The following DEUP1 variants were observed in gnomAD, a reference collection of about 807,000 sequenced individuals.
DEUP1 encodes the protein coiled-coil domain containing 67.
Under a neutral mutation model 87.4 loss-of-function variants are expected in DEUP1, and 82 were observed. The observed-to-expected ratio is 0.94, with a 90% confidence interval of 0.78 to 1.13. DEUP1 has a LOEUF of 1.13. Ranked by LOEUF, DEUP1 falls within the 50% of genes most tolerant of loss-of-function variation. The pLI, the probability that DEUP1 is intolerant of heterozygous loss-of-function variation, is 0.00. For missense variants in DEUP1, 663 were observed against 681.5 expected, an observed-to-expected ratio of 0.97 and a Z score of 0.30; for synonymous variants, 214 against 222.7, an observed-to-expected ratio of 0.96 and a Z score of 0.35.
intron 2 of DEUP1, among the ~76,000 whole-genome samples, chr11:93,337,105 C>G (rs1382924725): frequency 6.6e-6 from 1 of 152,156 alleles, no homozygotes; most frequent in Non-Finnish European, 1.5e-5. Context: ...CCAGATTCTT[C>G]TTATCTGCTG....
chr11:93,433,604 C>T (rs1292785531), intron 13 of DEUP1, among the ~76,000 whole-genome samples: 1 of 152,178 alleles, frequency 6.6e-6, no homozygotes, highest in Non-Finnish European at 1.5e-5. Flanking sequence ...TTTTCTCTTT[C>T]TCAGTAAATG....
rs117575060 is a variant in DEUP1, at chr11:93,401,458, T to C, written c.1326+5133T>C. The stretch of plus-strand genomic sequence containing the variant: ...AAAAAAAACTATTCTAAAATTTATA[T>C]GCAAACACAGAAGACCCTGAATAGC... On this transcript the variant is annotated intron_variant, in intron 11 of 13. Transcript: ENST00000298050. Among the ~76,000 whole-genome samples, 528 of 152,118 alleles carry C rather than the reference T, an allele frequency of 3.5e-3. 18 individuals are homozygous for C. In the East Asian group the frequency reaches 0.082, roughly 24 times the overall value.
At chr11:93,364,024 A>G (rs1591142660) in intron 4 of DEUP1, 136 bp from the exon 5 acceptor site, 1 of 640,964 alleles carries the variant, frequency 1.6e-6, no homozygotes, top group Non-Finnish European at 2.7e-6. Context: ...GTCTTCACTA[A>G]TTGAAACATT....
At chr11:93,358,412 G>A (rs929729980) in intron 4 of DEUP1, among the ~76,000 whole-genome samples, 9 of 152,088 alleles carry the variant, frequency 5.9e-5, no homozygotes, top group South Asian at 2.1e-4. Flanking sequence ...GTGAGTTTAG[G>A]AAATGCTGTT....
chr11:93,394,639 A>G lies in DEUP1; in HGVS notation c.1222A>G (p.Met408Val). Residue 408 changes from methionine to valine, a missense_variant, in exon 10 of 14, where the codon ATG becomes GTG. Physicochemically the swap from Met to Val is conservative, Grantham distance 21. Transcript: ENST00000298050. ...LKMELEIKEK[M>V]LAKQKVSDMK... The stretch of plus-strand genomic sequence containing the variant: ...AATGGAATTAGAAATAAAAGAAAAA[A>G]TGTTAGCAAAACAAAAGGTATGCAA... The G allele has an allele frequency of 6.2e-7, 1 of 1,610,934 alleles. No individual in the cohort carries two copies. The highest frequency in any genetic ancestry group is 8.5e-7 in the Non-Finnish European group (1 of 1,178,826).
intron 13 of DEUP1, among the ~76,000 whole-genome samples, chr11:93,436,832 T>C (rs1193708811): frequency 6.6e-6 from 1 of 152,244 alleles, no homozygotes; most frequent in Non-Finnish European, 1.5e-5. Context: ...ATGTGGCTTT[T>C]CAAAACGAAG....
At chr11:93,419,612 C>T (rs925712899) in intron 13 of DEUP1, among the ~76,000 whole-genome samples, 8 of 151,992 alleles carry the variant, frequency 5.3e-5, no homozygotes, top group Non-Finnish European at 4.4e-5. Context: ...TTCTCATTTC[C>T]GTTTCCAGAG....
chr11:93,349,170 C>A (rs1225662472), intron 2 of DEUP1, among the ~76,000 whole-genome samples: 1 of 152,058 alleles, frequency 6.6e-6, no homozygotes, highest in Non-Finnish European at 1.5e-5. Flanking sequence ...TCTCTGTTTT[C>A]CCTGTACCTT....
chr11:93,334,923 T>C (rs1251403189), intron 2 of DEUP1, among the ~76,000 whole-genome samples: 1 of 152,210 alleles, frequency 6.6e-6, no homozygotes, highest in Non-Finnish European at 1.5e-5. Context: ...GTTTTTGTTT[T>C]CTTATTCATG....
chr11:93,370,032 A>G (rs1343870197), intron 5 of DEUP1, 41 bp from the exon 6 acceptor site: 3 of 1,020,420 alleles, frequency 2.9e-6, no homozygotes, highest in African/African-American at 1.6e-5. Context: ...TTTAAAATGA[A>G]TAACATTTTT....
At chr11:93,403,563 T>C (rs1013165176) in intron 11 of DEUP1, among the ~76,000 whole-genome samples, 2 of 151,896 alleles carry the variant, frequency 1.3e-5, no homozygotes, top group South Asian at 2.1e-4. Flanking sequence ...TAGTTTAGCA[T>C]GCTCTCTATT....
intron 9 of DEUP1, among the ~76,000 whole-genome samples, chr11:93,390,945 G>A (rs1480426075): frequency 1.3e-5 from 2 of 152,006 alleles, no homozygotes; most frequent in South Asian, 2.1e-4. Flanking sequence ...AGCTGGGCGC[G>A]GTGGCAGGCG....
rs1946495313 is a variant in DEUP1, at chr11:93,385,449, G to T, written c.841G>T (p.Asp281Tyr). 2 of 1,612,520 alleles carry T rather than the reference G, an allele frequency of 1.2e-6. No homozygotes were observed. The highest frequency in any genetic ancestry group is 1.7e-6 in the Non-Finnish European group (2 of 1,179,108). ...EVKSELQSRD[D>Y]LLRIIEMERL... ...AAAAAGTGAGTTACAGTCACGTGAT[G>T]ATCTCTTGAGAATTATAGAAATGGA... The change falls in exon 8 of 14, where the codon GAT (aspartate) becomes TAT (tyrosine). Residue 281 changes from aspartate (D) to tyrosine (Y), a missense_variant. Coordinates refer to ENST00000298050, the MANE Select transcript of DEUP1 (RefSeq NM_181645.4).
chr11:93,394,148 C>T (rs1239530521), intron 9 of DEUP1, among the ~76,000 whole-genome samples: 4 of 152,030 alleles, frequency 2.6e-5, no homozygotes, highest in African/African-American at 9.7e-5. Flanking sequence ...ATTTTTTTCT[C>T]CATGAAAATG....
intron 4 of DEUP1, among the ~76,000 whole-genome samples, chr11:93,361,547 C>T (rs1412390941): frequency 1.3e-5 from 2 of 151,962 alleles, no homozygotes; most frequent in African/African-American, 4.8e-5. Context: ...TACACTTGAA[C>T]TGGAAAGATG....
chr11:93,358,251 T>C (rs1944990649), intron 4 of DEUP1, among the ~76,000 whole-genome samples: 1 of 152,218 alleles, frequency 6.6e-6, no homozygotes, highest in Non-Finnish European at 1.5e-5. Context: ...TGGCTTTGTT[T>C]ACAGGCACCA....
chr11:93,360,256 T>C (rs1410951905), intron 4 of DEUP1, among the ~76,000 whole-genome samples: 5 of 152,208 alleles, frequency 3.3e-5, no homozygotes, highest in Non-Finnish European at 4.4e-5. Flanking sequence ...AAGTGAAGAC[T>C]TGGACATCCA....
At chr11:93,339,978 C>A (rs1943976787) in intron 2 of DEUP1, among the ~76,000 whole-genome samples, 1 of 152,096 alleles carries the variant, frequency 6.6e-6, no homozygotes, top group Non-Finnish European at 1.5e-5. Flanking sequence ...ACACAAAATT[C>A]AAATAAAAAC....
In DEUP1 at chr11:93,364,271, A is replaced by C. The variant is rs185817312; in HGVS notation, c.409A>C (p.Ser137Arg). 2 of 1,609,264 alleles carry C rather than the reference A, an allele frequency of 1.2e-6. No individual in the cohort carries two copies. Among genetic ancestry groups the C allele is most frequent in the Admixed American group, 3.4e-5 (2 of 59,616 alleles). Residue 137 changes from serine (S) to arginine (R), a missense_variant, in exon 5 of 14, where the codon AGC becomes CGC. Transcript: ENST00000298050. ...HLKEEIPFELSNLNQKLEEFR... is the reference protein window; with the variant it reads ...HLKEEIPFELRNLNQKLEEFR... ...TAAAGAAGAAATACCCTTTGAACTG[A>C]GCAATTTGAACCAGAAATTAGAGGT...
Sources: allele counts gnomAD v4.1 joint callset (sites outside exome capture counted in the v4.1 genomes callset), GRCh38; gene constraint gnomAD v4.1.1; transcripts MANE v1.5; gene names NCBI Gene and HGNC (gene_info 2026-07-23, HGNC 2026-07-21).